Variants in TTLL12 observed in about 807,000 individuals in gnomAD.
TTLL12 encodes tubulin--tyrosine ligase-like protein 12.
TTLL12 carries 77 observed loss-of-function variants against 79.6 expected under a neutral mutation model. That is an observed-to-expected ratio of 0.97 (90% CI 0.81 to 1.17). The LOEUF (loss-of-function observed/expected upper bound fraction) is 1.17. TTLL12 is among the 50% of genes most tolerant of loss of function. The pLI, the probability that TTLL12 is intolerant of heterozygous loss-of-function variation, is 0.00. For synonymous variants in TTLL12, 437 were observed against 376.1 expected (o/e 1.16, Z -1.87); for missense variants, 969 against 895.9 (o/e 1.08, Z -1.04).
At chr22:43,182,045 A>AGAAAGGCCC (rs1932071353) in intron 2 of TTLL12, among the ~76,000 whole-genome samples, 4 of 152,116 alleles carry the variant, frequency 2.6e-5, no homozygotes, top group Non-Finnish European at 5.9e-5. Flanking sequence ...GCCCGGAAGC[A>AGAAAGGCCC]GGTGGGGCTG....
rs771009566 is a variant in TTLL12 at position 43,173,834 on chromosome 22, G to C, written c.1230-8C>G. ...CAGTGGTTGTCCTCGCCCCTGGGGA[G>C]CAGAAGGGCTGTCTGGGGGGCGCCT... On this transcript the variant is annotated splice_polypyrimidine_tract_variant and splice_region_variant and intron_variant, in intron 8 of 13. Coordinates refer to ENST00000216129, the MANE Select transcript of TTLL12 (RefSeq NM_015140.4). The C allele has an allele frequency of 6.2e-7, 1 of 1,600,450 alleles. No individual in the cohort carries two copies. Among genetic ancestry groups the C allele is most frequent in the Non-Finnish European group, 8.5e-7 (1 of 1,179,170 alleles).
In TTLL12 at chr22:43,176,298, G is replaced by A. The variant is rs757875997; in HGVS notation, c.917+22C>T. 2.0e-6 allele frequency: 3 copies of A among 1,537,142 alleles called. No individual in the cohort carries two copies. In the African/African-American group the frequency reaches 4.2e-5, roughly 21 times the overall value. On this transcript the variant is annotated intron_variant, in intron 6 of 13. Coordinates refer to ENST00000216129, the MANE Select transcript of TTLL12 (RefSeq NM_015140.4). ...GGACTGCGGACAAGTCCCAGCCCAA[G>A]CAGTGGGGGGGGGCTACGCACTTGA...
In TTLL12 at chr22:43,187,042, G is replaced by A. The variant is rs1247020745; in HGVS notation, c.28C>T (p.Arg10Trp). Residue 10 changes from arginine (R) to tryptophan (W), a missense_variant, in exon 1 of 14, where the codon CGG becomes TGG. By Grantham distance (101) the Arg-to-Trp change is moderately radical. Coordinates refer to ENST00000216129, the MANE Select transcript of TTLL12 (RefSeq NM_015140.4). ...CCCGGGCTGCTACGCTCCGCAGGCC[G>A]GCGCTCGGGACCCCGCTCGGCCTCC... is the stretch of plus-strand genomic sequence containing the variant. The part of the protein sequence containing the change: MEAERGPER[R>W]PAERSSPGQT... 8.3e-7 allele frequency: 1 copy of A among 1,199,276 alleles called. No individual in the cohort carries two copies. The highest frequency in any genetic ancestry group is 1.0e-6 in the Non-Finnish European group (1 of 966,868). The allele number at this position is 1,199,276 out of a possible 1,614,324, so 74.3% of individuals were successfully genotyped here. A position where few individuals can be genotyped will look rare whatever the true frequency, so the allele number is the denominator to read the frequency against.
rs746537312 is a variant in TTLL12 at position 43,179,704 on chromosome 22, C to T, written c.755G>A (p.Arg252Gln). ...FAYGETDPLI[R>Q]KCMLLPWAPT... ...GGCCCAGGGCAGCAGCATGCACTTC[C>T]GGATCAGGGGGTCCGTCTCTCCGTA... Residue 252 changes from arginine (R) to glutamine (Q), a missense_variant, in exon 5 of 14, where the codon CGG becomes CAG. Coordinates refer to ENST00000216129, the MANE Select transcript of TTLL12 (RefSeq NM_015140.4). The T allele has an allele frequency of 5.3e-5, 83 of 1,567,630 alleles. No individual in the cohort carries two copies. The highest frequency in any genetic ancestry group is 6.6e-5 in the Non-Finnish European group (76 of 1,157,616).
chr22:43,180,292 TG>T (rs912378636), intron 3 of TTLL12, among the ~76,000 whole-genome samples: 14 of 151,728 alleles, frequency 9.2e-5, no homozygotes, highest in African/African-American at 3.4e-4. Flanking sequence ...TTGAGGGTAA[TG>T]GGGGGGTCGG....
At chr22:43,174,838 C>T (rs1444604375) in intron 6 of TTLL12, among the ~76,000 whole-genome samples, 1 of 152,230 alleles carries the variant, frequency 6.6e-6, no homozygotes, top group Admixed American at 6.5e-5. Context: ...CCTGGTTCCC[C>T]ATCCGCAGGA....
intron 6 of TTLL12, among the ~76,000 whole-genome samples, chr22:43,174,817 C>T (rs546051076): frequency 1.4e-4 from 22 of 152,324 alleles, no homozygotes; most frequent in African/African-American, 5.1e-4. Flanking sequence ...GCAACCTGTA[C>T]CCTTGTGACC....
intron 12 of TTLL12, 95 bp downstream of exon 12, chr22:43,169,405 C>A: frequency 8.9e-7 from 1 of 1,126,238 alleles, no homozygotes; most frequent in Non-Finnish European, 1.2e-6. Flanking sequence ...TCCCTCCCAG[C>A]CCATGCCAGC....
chr22:43,166,874 C>T lies in TTLL12; in HGVS notation c.*1134G>A, dbSNP rs41277265. 26 of 201,684 alleles carry T rather than the reference C, an allele frequency of 1.3e-4. No individual in the cohort carries two copies. Among genetic ancestry groups the T allele is most frequent in the Non-Finnish European group, 2.3e-4 (25 of 107,806 alleles). 12.5% of individuals were successfully genotyped at this position (201,684 alleles called of 1,614,324 possible). ...GTTCTTAATTTCAAAGAGGAGACAC[C>T]GCTACACCTAGCCCTGCCCTCCCAT... On this transcript the variant is annotated 3_prime_UTR_variant, in exon 14 of 14. Transcript: ENST00000216129.
At chr22:43,185,285 A>C (rs1051086135) in intron 1 of TTLL12, among the ~76,000 whole-genome samples, 26,656 of 88,238 alleles carry the variant, frequency 0.3, 4,053 homozygotes, top group Non-Finnish European at 0.37. Context: ...ATATATATAT[A>C]TATATATATA....
chr22:43,172,618 A>C, intron 9 of TTLL12, 64 bp from the exon 10 acceptor site: 1 of 1,596,442 alleles, frequency 6.3e-7, no homozygotes. Flanking sequence ...TCCCGAGCAC[A>C]CAAAGCCACG....
chr22:43,183,211 C>A, intron 1 of TTLL12, 62 bp from the exon 2 acceptor site: 1 of 1,592,302 alleles, frequency 6.3e-7, no homozygotes, highest in South Asian at 1.1e-5. Flanking sequence ...AATGCCTTCA[C>A]CACTCCAGAA....
At chr22:43,181,033 G>T in intron 2 of TTLL12, 93 bp from the exon 3 acceptor site, 1 of 1,391,450 alleles carries the variant, frequency 7.2e-7, no homozygotes, top group East Asian at 2.4e-5. Context: ...GTTGGGACCA[G>T]GGCCCAAGCT....
chr22:43,168,061 T>G lies in TTLL12; in HGVS notation c.1882A>C (p.Ser628Arg), dbSNP rs755704040. 6 of 1,614,114 alleles carry G rather than the reference T, an allele frequency of 3.7e-6. No homozygotes were observed. In the Middle Eastern group the frequency reaches 4.9e-4, roughly 133 times the overall value. ...YHPTFFNDVF[S>R]TLFLDQPGGC... ...CCGGGCTGGTCCAGAAACAAGGTGC[T>G]GAAGACGTCGTTGAAGAAGGTGGGG... The change falls in exon 14 of 14, where the codon AGC (serine) becomes CGC (arginine). Residue 628 changes from serine (S) to arginine (R), a missense_variant. Physicochemically the swap from Ser to Arg is moderately radical, Grantham distance 110 (BLOSUM62 -1). Coordinates refer to ENST00000216129, the MANE Select transcript of TTLL12 (RefSeq NM_015140.4).
At chr22:43,169,386 G>T in intron 12 of TTLL12, 114 bp downstream of exon 12, 1 of 922,190 alleles carries the variant, frequency 1.1e-6, no homozygotes, top group Non-Finnish European at 1.6e-6. Context: ...CAACTGCAGG[G>T]GACAAAGGTC....
intron 1 of TTLL12, 115 bp downstream of exon 1, chr22:43,186,778 T>C: frequency 2.8e-6 from 3 of 1,062,630 alleles, no homozygotes; most frequent in Admixed American, 4.5e-5. Flanking sequence ...GGACGCGCTC[T>C]GGGTGGCTCA....
rs780532631 is a variant in TTLL12 at position 43,180,742 on chromosome 22, C to T, written c.546G>A (p.Gly182=). The T allele has an allele frequency of 1.9e-6, 3 of 1,612,812 alleles. No homozygotes were observed. The African/African-American group carries it at 4.0e-5, about 22-fold the overall frequency. ...KFNQTYQLAH[G]TAEEKMPVWY... ...CCCCGGGGCCCAGCTACCCACTCAC[C>T]CCATGGGCCAGCTGGTAGGTCTGGT... is the stretch of plus-strand genomic sequence containing the variant. Residue 182 remains glycine, a splice_region_variant and synonymous_variant, in exon 3 of 14, where the codon GGG becomes GGA. Coordinates refer to ENST00000216129, the MANE Select transcript of TTLL12 (RefSeq NM_015140.4).
In TTLL12 at chr22:43,180,944, C is replaced by T. The variant is rs757956134; in HGVS notation, c.348-4G>A. On this transcript the variant is annotated splice_region_variant and splice_polypyrimidine_tract_variant and intron_variant, in intron 2 of 13. Coordinates refer to ENST00000216129, the MANE Select transcript of TTLL12 (RefSeq NM_015140.4). Reference sequence around the variant, plus strand: ...GGCGTGGTCGATGAGGAAGATGCTGCGGGCACAGGCCACAATGTGAGGCTG... The same window carrying T: ...GGCGTGGTCGATGAGGAAGATGCTGTGGGCACAGGCCACAATGTGAGGCTG... 6.2e-6 allele frequency: 10 copies of T among 1,609,008 alleles called. No homozygotes were observed. The highest frequency in any genetic ancestry group is 2.2e-5 in the East Asian group (1 of 44,826).
In TTLL12 at chr22:43,179,920, G is replaced by T. The variant is rs199520351; in HGVS notation, c.627C>A (p.Phe209Leu). 5.0e-5 allele frequency: 80 copies of T among 1,610,962 alleles called. 1 individual carries two copies. Among genetic ancestry groups the T allele is most frequent in the Non-Finnish European group, 3.8e-5 (45 of 1,179,936 alleles). ...GCATGTAGAAGAAGGGTGCCGTGGC[G>T]AAGCTGGGCACGTCCGCGTGCTGGA... is the stretch of plus-strand genomic sequence containing the variant. ...SRIQHADVPSFATAPFFYMPQ... is the reference protein window; with the variant it reads ...SRIQHADVPSLATAPFFYMPQ... The change falls in exon 4 of 14, where the codon TTC becomes TTA. Residue 209 changes from phenylalanine to leucine, a missense_variant. Transcript: ENST00000216129.
Sources: gnomAD v4.1 joint callset for allele counts (sites outside exome capture counted in the v4.1 genomes callset) on GRCh38, gnomAD v4.1.1 for gene constraint, MANE v1.5 for transcripts, NCBI Gene and HGNC (gene_info 2026-07-23, HGNC 2026-07-21) for gene names.